CDKAL1: variants seen among roughly 807,000 people sequenced by gnomAD.
The protein encoded by CDKAL1 is CDKAL1 threonylcarbamoyladenosine tRNA methylthiotransferase, also known as threonylcarbamoyladenosine tRNA methylthiotransferase.
Under a neutral mutation model 68.2 loss-of-function variants are expected in CDKAL1, and 32 were observed. The observed-to-expected ratio is 0.47, with a 90% CI of 0.35 to 0.63. The LOEUF is 0.63. Ranked by LOEUF, CDKAL1 falls within the 30% of genes least tolerant of loss-of-function variation. The pLI is 0.00. For missense variants in CDKAL1, 606 were observed against 696.7 expected (o/e 0.87, Z 1.47); for synonymous variants, 234 against 244.3 (o/e 0.96, Z 0.39).
Position 21,096,463 on chromosome 6 carries a change from T to C in CDKAL1, c.1237-11938T>C, listed in dbSNP as rs527732725. 1.1e-4 allele frequency among the ~76,000 whole-genome samples: 16 copies of C among 152,316 alleles called. No individual in the cohort carries two copies. In the East Asian group the frequency reaches 2.5e-3, roughly 24 times the overall value. The stretch of plus-strand genomic sequence containing the variant: ...TAGATTCAGTAAAGGCACATTACCA[T>C]CTCTCCATAAATAAAAGGAAGAGAA... On this transcript the variant is annotated intron_variant, in intron 12 of 15. Coordinates refer to ENST00000274695, the MANE Select transcript of CDKAL1 (RefSeq NM_017774.3).
At chr6:21,104,612 T>G (rs1773757441) in intron 12 of CDKAL1, among the ~76,000 whole-genome samples, 2 of 152,204 alleles carry the variant, frequency 1.3e-5, no homozygotes, top group Non-Finnish European at 2.9e-5. Flanking sequence ...TCCACTGGAT[T>G]GTGTGACTGA....
chr6:21,060,294 G>T (rs537128693), intron 11 of CDKAL1, among the ~76,000 whole-genome samples: 125 of 152,152 alleles, frequency 8.2e-4, no homozygotes, highest in African/African-American at 2.8e-3. Context: ...ATCTTTCAAA[G>T]AATTTGCCCA....
At chr6:21,071,592 A>C (rs896828316) in intron 12 of CDKAL1, among the ~76,000 whole-genome samples, 1 of 152,028 alleles carries the variant, frequency 6.6e-6, no homozygotes, top group African/African-American at 2.4e-5. Flanking sequence ...TCTGCTTTTT[A>C]GTTTTGTTTT....
At chr6:20,982,970 T>C (rs1171269402) in intron 10 of CDKAL1, among the ~76,000 whole-genome samples, 1 of 152,210 alleles carries the variant, frequency 6.6e-6, no homozygotes, top group Non-Finnish European at 1.5e-5. Context: ...ATCCTATAGC[T>C]TTGGAGCTCA....
intron 9 of CDKAL1, among the ~76,000 whole-genome samples, chr6:20,873,219 C>G (rs565104670): frequency 3.5e-4 from 54 of 152,196 alleles, no homozygotes; most frequent in African/African-American, 1.2e-3. Flanking sequence ...CAGTTAGGAA[C>G]TTAAGAGAGC....
chr6:20,630,288 C>T (rs1365005185), intron 4 of CDKAL1, among the ~76,000 whole-genome samples: 2 of 152,128 alleles, frequency 1.3e-5, no homozygotes, highest in Non-Finnish European at 2.9e-5. Context: ...AGGCCTTCCT[C>T]ATCCTGTGTG....
At chr6:20,974,193 A>C (rs961911102) in intron 10 of CDKAL1, among the ~76,000 whole-genome samples, 7 of 152,186 alleles carry the variant, frequency 4.6e-5, no homozygotes, top group Non-Finnish European at 1.0e-4. Flanking sequence ...TCATGTTAGC[A>C]TCCCAGGCTG....
At chr6:20,952,788 G>A (rs1325004021) in intron 9 of CDKAL1, among the ~76,000 whole-genome samples, 3 of 152,364 alleles carry the variant, frequency 2.0e-5, no homozygotes, top group Non-Finnish European at 4.4e-5. Flanking sequence ...GGCCTGGCAG[G>A]AACTGCCTGT....
At chr6:21,140,037 T>C (rs1775818033) in intron 13 of CDKAL1, among the ~76,000 whole-genome samples, 1 of 152,186 alleles carries the variant, frequency 6.6e-6, no homozygotes, top group African/African-American at 2.4e-5. Context: ...TTCTTTGTTG[T>C]ACTGTTCTGA....
At chr6:21,154,960 C>T (rs1009070810) in intron 13 of CDKAL1, among the ~76,000 whole-genome samples, 1 of 151,488 alleles carries the variant, frequency 6.6e-6, no homozygotes, top group African/African-American at 2.4e-5. Context: ...CACTGCACTC[C>T]AGCCTGGCCA....
At chr6:20,748,555 G>GGAAAAAAAAAAAAAAAAAAAA (rs1773766913) in intron 6 of CDKAL1, among the ~76,000 whole-genome samples, 1 of 28,742 alleles carries the variant, frequency 3.5e-5, no homozygotes, top group African/African-American at 1.2e-4. Flanking sequence ...TCTGTTTCTG[G>GGAAAAAAAAAAAAAAAAAAAA]AAAAAAAAAA....
chr6:20,816,821 AAT>A (rs1777066836), intron 8 of CDKAL1, among the ~76,000 whole-genome samples: 1 of 152,088 alleles, frequency 6.6e-6, no homozygotes, highest in South Asian at 2.1e-4. Flanking sequence ...TTGTTGAACA[AAT>A]GTTTACCACC....
intron 11 of CDKAL1, among the ~76,000 whole-genome samples, chr6:21,050,138 TAA>T (rs950198166): frequency 2.0e-5 from 3 of 152,232 alleles, no homozygotes; most frequent in Non-Finnish European, 4.4e-5. Context: ...AAGGAATCAT[TAA>T]AAAACTAACT....
chr6:20,878,457 C>T (rs1218573999), intron 9 of CDKAL1, among the ~76,000 whole-genome samples: 4 of 152,180 alleles, frequency 2.6e-5, no homozygotes, highest in African/African-American at 7.2e-5. Flanking sequence ...CCAACCTTAG[C>T]GGCCAGGTGC....
intron 5 of CDKAL1, among the ~76,000 whole-genome samples, chr6:20,675,438 T>C (rs1337519093): frequency 6.6e-6 from 1 of 152,240 alleles, no homozygotes; most frequent in Non-Finnish European, 1.5e-5. Flanking sequence ...TATTTCTGTA[T>C]GAAATTACCC....
At chr6:20,982,514 T>C (rs902539652) in intron 10 of CDKAL1, among the ~76,000 whole-genome samples, 1 of 151,896 alleles carries the variant, frequency 6.6e-6, no homozygotes, top group African/African-American at 2.4e-5. Flanking sequence ...GATCTGATCA[T>C]TGGAAACACA....
At chr6:20,619,861 A>G (rs1301506052) in intron 4 of CDKAL1, among the ~76,000 whole-genome samples, 1 of 152,188 alleles carries the variant, frequency 6.6e-6, no homozygotes, top group Non-Finnish European at 1.5e-5. Flanking sequence ...GCTTTTCTAT[A>G]TTTTAAATAT....
rs368423544 is a variant in CDKAL1 at position 21,108,393 on chromosome 6, T to C, written c.1237-8T>C. On this transcript the variant is annotated splice_region_variant and splice_polypyrimidine_tract_variant and intron_variant, in intron 12 of 15. Transcript: ENST00000274695. ...TTGGTTTTTTGTTTTTTTTGTTTTTTTTCACAGAAAAAGCAAAGGACAAAA... is the reference window on the plus strand; with the variant it reads ...TTGGTTTTTTGTTTTTTTTGTTTTTCTTCACAGAAAAAGCAAAGGACAAAA... The C allele has an allele frequency of 5.8e-4, 921 of 1,601,268 alleles. No homozygotes were observed. The highest frequency in any genetic ancestry group is 7.4e-4 in the Admixed American group (43 of 57,742).
chr6:20,822,899 T>C (rs1777345124), intron 8 of CDKAL1, among the ~76,000 whole-genome samples: 2 of 152,178 alleles, frequency 1.3e-5, no homozygotes. Flanking sequence ...TGGCAGTTCT[T>C]TATAGCCATG....
Sources: allele counts gnomAD v4.1 joint callset (sites outside exome capture counted in the v4.1 genomes callset), GRCh38; gene constraint gnomAD v4.1.1; transcripts MANE v1.5; gene names NCBI Gene and HGNC (gene_info 2026-07-23, HGNC 2026-07-21).